Variants in CWC27 observed in about 807,000 individuals in gnomAD.
CWC27 encodes CWC27 spliceosome associated cyclophilin, also known as spliceosome-associated protein CWC27 homolog.
Under a neutral mutation model 63.6 loss-of-function variants are expected in CWC27, and 47 were observed. The ratio of observed to expected loss-of-function variants is 0.74; its 90% CI spans 0.58 to 0.94. The LOEUF (loss-of-function observed/expected upper bound fraction) is 0.94, where lower values mean the gene tolerates loss of function less well. Ranked by LOEUF, CWC27 falls within the 40% of genes least tolerant of loss-of-function variation. The pLI is 0.00. For missense variants in CWC27, 495 were observed against 554.3 expected, an observed-to-expected ratio of 0.89 and a Z score of 1.07; for synonymous variants, 175 against 179.8, an observed-to-expected ratio of 0.97 and a Z score of 0.22.
chr5:64,915,936 A>G lies in CWC27; in HGVS notation c.1042+30390A>G, dbSNP rs115737085. Among the ~76,000 whole-genome samples, 180 of 152,244 alleles carry G rather than the reference A, an allele frequency of 1.2e-3. 3 individuals are homozygous for G. Among genetic ancestry groups the G allele is most frequent in the African/African-American group, 4.2e-3 (176 of 41,560 alleles). ...CTGAATGTTTTGTTCTTTCTATTGT[A>G]TTTACCTGTAACAGAAAGCCTGTGC... is the stretch of plus-strand genomic sequence containing the variant. On this transcript the variant is annotated intron_variant, in intron 11 of 13. Coordinates refer to ENST00000381070, the MANE Select transcript of CWC27 (RefSeq NM_005869.4).
chr5:64,874,766 G>A (rs1325214967), intron 10 of CWC27, among the ~76,000 whole-genome samples: 2 of 151,634 alleles, frequency 1.3e-5, no homozygotes, highest in African/African-American at 4.8e-5. Context: ...TTGATTTCTA[G>A]TGAGCTAAAC....
chr5:64,925,796 A>T (rs985808307), intron 11 of CWC27, among the ~76,000 whole-genome samples: 1 of 152,174 alleles, frequency 6.6e-6, no homozygotes, highest in East Asian at 1.9e-4. Context: ...CCCCAGACAG[A>T]TTCCATATTC....
chr5:65,007,599 C>T (rs1347375350), intron 13 of CWC27, among the ~76,000 whole-genome samples: 3 of 150,746 alleles, frequency 2.0e-5, no homozygotes, highest in Non-Finnish European at 4.4e-5. Flanking sequence ...CTTCTGTGCT[C>T]ATGTGCTCCT....
At chr5:64,866,628 C>T (rs1397637825) in intron 10 of CWC27, among the ~76,000 whole-genome samples, 1 of 151,990 alleles carries the variant, frequency 6.6e-6, no homozygotes, top group Admixed American at 6.6e-5. Flanking sequence ...ACTCAGAGTA[C>T]CTTGATTTCC....
At chr5:64,995,596 A>G (rs935523455) in intron 13 of CWC27, among the ~76,000 whole-genome samples, 2 of 152,154 alleles carry the variant, frequency 1.3e-5, no homozygotes, top group African/African-American at 4.8e-5. Context: ...GTTAGCCACC[A>G]CAACTGAATA....
intron 13 of CWC27, among the ~76,000 whole-genome samples, chr5:64,990,160 A>G (rs957846395): frequency 6.6e-6 from 1 of 151,760 alleles, no homozygotes; most frequent in Non-Finnish European, 1.5e-5. Context: ...TCATTCATCA[A>G]CTTTTGGAGA....
At chr5:64,771,047 G>A (rs1470786739) in intron 1 of CWC27, among the ~76,000 whole-genome samples, 2 of 152,206 alleles carry the variant, frequency 1.3e-5, no homozygotes, top group Admixed American at 1.3e-4. Flanking sequence ...GAATAATCAT[G>A]CAAATAAATG....
At chr5:64,885,240 A>G (rs1258883162) in intron 10 of CWC27, among the ~76,000 whole-genome samples, 1 of 152,128 alleles carries the variant, frequency 6.6e-6, no homozygotes, top group African/African-American at 2.4e-5. Flanking sequence ...AGTAATTCGT[A>G]TTGTTATTAT....
intron 11 of CWC27, among the ~76,000 whole-genome samples, chr5:64,920,227 C>T (rs1399442158): frequency 2.0e-5 from 3 of 152,134 alleles, no homozygotes; most frequent in Non-Finnish European, 1.5e-5. Context: ...CCACGGCCTC[C>T]CAAAGTGCTG....
At chr5:64,806,367 T>A (rs914694633) in intron 10 of CWC27, among the ~76,000 whole-genome samples, 3 of 152,164 alleles carry the variant, frequency 2.0e-5, no homozygotes, top group East Asian at 3.8e-4. Context: ...GGCTTGAATA[T>A]TTTAGGTAAA....
chr5:64,945,543 T>C (rs1172636289), intron 11 of CWC27, among the ~76,000 whole-genome samples: 1 of 152,222 alleles, frequency 6.6e-6, no homozygotes, highest in East Asian at 1.9e-4. Context: ...TCTAAGTTCA[T>C]ACTTGTGAAA....
intron 11 of CWC27, among the ~76,000 whole-genome samples, chr5:64,932,842 A>G (rs1748265662): frequency 2.0e-5 from 3 of 152,196 alleles, no homozygotes; most frequent in African/African-American, 7.2e-5. Flanking sequence ...CTTTTTTGAC[A>G]GTATAATAAA....
At chr5:64,862,971 C>G (rs1746448380) in intron 10 of CWC27, among the ~76,000 whole-genome samples, 1 of 152,128 alleles carries the variant, frequency 6.6e-6, no homozygotes, top group African/African-American at 2.4e-5. Flanking sequence ...TTTGTGAGGG[C>G]TTCACCCTCA....
intron 10 of CWC27, among the ~76,000 whole-genome samples, chr5:64,818,313 T>G (rs1055378759): frequency 1.3e-5 from 2 of 152,168 alleles, no homozygotes; most frequent in African/African-American, 2.4e-5. Flanking sequence ...TTTTCTTGAT[T>G]CTATTGAAAA....
intron 11 of CWC27, among the ~76,000 whole-genome samples, chr5:64,947,747 CTT>C (rs1268150482): frequency 6.6e-6 from 1 of 152,014 alleles, no homozygotes; most frequent in Non-Finnish European, 1.5e-5. Flanking sequence ...GGCCTCCCCT[CTT>C]TGTAGAAAGA....
intron 11 of CWC27, among the ~76,000 whole-genome samples, chr5:64,930,195 G>A (rs1432073114): frequency 1.3e-5 from 2 of 152,078 alleles, no homozygotes; most frequent in Non-Finnish European, 2.9e-5. Flanking sequence ...AGGAAAGTAA[G>A]TATTTGCCAG....
chr5:64,824,289 T>G (rs1343522136), intron 10 of CWC27, among the ~76,000 whole-genome samples: 1 of 152,216 alleles, frequency 6.6e-6, no homozygotes, highest in Non-Finnish European at 1.5e-5. Flanking sequence ...AAAGTCTTCC[T>G]CTTTTAATAT....
At chr5:64,975,380 C>G (rs1024669141) in intron 12 of CWC27, among the ~76,000 whole-genome samples, 2 of 152,154 alleles carry the variant, frequency 1.3e-5, no homozygotes, top group Non-Finnish European at 2.9e-5. Context: ...TGTCACACAT[C>G]TTTTTCCTTA....
intron 10 of CWC27, among the ~76,000 whole-genome samples, chr5:64,824,550 T>C (rs1286663066): frequency 6.6e-6 from 1 of 152,108 alleles, no homozygotes; most frequent in African/African-American, 2.4e-5. Context: ...AGTTATGGAA[T>C]GTGAGTATGG....
Sources: allele counts gnomAD v4.1 joint callset (sites outside exome capture counted in the v4.1 genomes callset), GRCh38; gene constraint gnomAD v4.1.1; transcripts MANE v1.5; gene names NCBI Gene and HGNC (gene_info 2026-07-23, HGNC 2026-07-21).